The following ME1 variants were observed in gnomAD, a reference collection of about 807,000 sequenced individuals.
ME1 encodes malic enzyme 1, also known as NADP-dependent malic enzyme.
In ME1, 74 loss-of-function variants were observed where a neutral mutation model predicts 66.4. The ratio of observed to expected loss-of-function variants is 1.11; its 90% CI spans 0.92 to 1.35. The LOEUF (loss-of-function observed/expected upper bound fraction) is 1.35, where lower values mean the gene tolerates loss of function less well. Among genes scored for constraint, ME1 ranks in the 40% most tolerant of loss-of-function variants. The pLI is 0.00. For missense variants in ME1, 750 were observed against 694.1 expected (o/e 1.08, Z -0.90); for synonymous variants, 251 against 235.6 (o/e 1.07, Z -0.60).
intron 5 of ME1, among the ~76,000 whole-genome samples, chr6:83,341,169 C>T (rs902259200): frequency 1.3e-5 from 2 of 151,942 alleles, no homozygotes; most frequent in African/African-American, 2.4e-5. Context: ...TAATGGAGCC[C>T]CAATAAAACT....
chr6:83,239,471 G>C, intron 8 of ME1, 68 bp downstream of exon 8: 1 of 1,091,864 alleles, frequency 9.2e-7, no homozygotes, highest in Non-Finnish European at 1.4e-6. Context: ...CAAATCTTGA[G>C]TTAATGAGCA....
At chr6:83,424,694 G>A (rs1240705809) in intron 1 of ME1, among the ~76,000 whole-genome samples, 2 of 152,158 alleles carry the variant, frequency 1.3e-5, no homozygotes, top group African/African-American at 2.4e-5. Context: ...ATGAAATTTT[G>A]CTTCAATTAC....
chr6:83,215,405 G>A (rs915459439), intron 13 of ME1, among the ~76,000 whole-genome samples: 10 of 152,106 alleles, frequency 6.6e-5, no homozygotes, highest in Non-Finnish European at 1.0e-4. Context: ...GATGGTTATT[G>A]ACCCAAAATG....
At chr6:83,235,718 C>T (rs1471970871) in intron 9 of ME1, among the ~76,000 whole-genome samples, 9 of 151,996 alleles carry the variant, frequency 5.9e-5, no homozygotes, top group Admixed American at 3.9e-4. Flanking sequence ...GTGATCCACC[C>T]GCCTCGGCCT....
intron 6 of ME1, among the ~76,000 whole-genome samples, chr6:83,270,730 T>C (rs1300332634): frequency 6.6e-6 from 1 of 152,184 alleles, no homozygotes; most frequent in Non-Finnish European, 1.5e-5. Flanking sequence ...GCATAATATG[T>C]GGAATTTCTC....
intron 6 of ME1, among the ~76,000 whole-genome samples, chr6:83,262,928 T>C (rs1766924490): frequency 6.6e-6 from 1 of 152,242 alleles, no homozygotes; most frequent in South Asian, 2.1e-4. Context: ...CTCATTTTAT[T>C]GTGCTTTGCT....
At chr6:83,221,542 T>TA (rs923435003) in intron 12 of ME1, among the ~76,000 whole-genome samples, 7 of 152,148 alleles carry the variant, frequency 4.6e-5, no homozygotes, top group South Asian at 2.1e-4. Flanking sequence ...GGGGTATCAC[T>TA]AATAAAAATG....
At chr6:83,391,245 T>C (rs1044336085) in intron 3 of ME1, among the ~76,000 whole-genome samples, 2 of 152,100 alleles carry the variant, frequency 1.3e-5, no homozygotes, top group Admixed American at 6.6e-5. Context: ...AAAAGTTAAA[T>C]ACCTTATACC....
chr6:83,417,138 T>C (rs1221478180), intron 1 of ME1, among the ~76,000 whole-genome samples: 1 of 152,092 alleles, frequency 6.6e-6, no homozygotes, highest in Non-Finnish European at 1.5e-5. Context: ...CAGCCTCGAA[T>C]TCCTGGGCTC....
chr6:83,384,298 G>A (rs916650829), intron 3 of ME1, among the ~76,000 whole-genome samples: 4 of 151,688 alleles, frequency 2.6e-5, no homozygotes, highest in Admixed American at 6.6e-5. Context: ...AGCAGTGTAC[G>A]AGCATTTCTT....
chr6:83,316,894 T>C (rs1033240292), intron 5 of ME1, among the ~76,000 whole-genome samples: 8 of 151,854 alleles, frequency 5.3e-5, no homozygotes, highest in Middle Eastern at 3.4e-3. Context: ...CACTGGAAAC[T>C]ACAAAATATT....
chr6:83,287,422 C>A (rs964335140), intron 6 of ME1, among the ~76,000 whole-genome samples: 1 of 152,078 alleles, frequency 6.6e-6, no homozygotes, highest in African/African-American at 2.4e-5. Context: ...TCTGATCTTG[C>A]GATAGTTTGC....
intron 6 of ME1, among the ~76,000 whole-genome samples, chr6:83,282,132 T>A (rs894221892): frequency 3.9e-5 from 6 of 152,060 alleles, no homozygotes; most frequent in African/African-American, 1.2e-4. Flanking sequence ...AGAAAAAAGA[T>A]AAATGTAAAC....
At chr6:83,297,655 T>C (rs1447178236) in intron 6 of ME1, among the ~76,000 whole-genome samples, 1 of 152,110 alleles carries the variant, frequency 6.6e-6, no homozygotes, top group African/African-American at 2.4e-5. Flanking sequence ...AGGTAAACGT[T>C]TGCCATGGTG....
intron 5 of ME1, among the ~76,000 whole-genome samples, chr6:83,333,431 CAGTG>C (rs1208192959): frequency 6.6e-6 from 1 of 152,012 alleles, no homozygotes; most frequent in Non-Finnish European, 1.5e-5. Flanking sequence ...AGTAAAGCAG[CAGTG>C]AAAGAATAAA....
At chr6:83,244,545 T>C (rs983087) in intron 7 of ME1, among the ~76,000 whole-genome samples, 42,303 of 151,816 alleles carry the variant, frequency 0.28, 6,204 homozygotes, top group Middle Eastern at 0.39. Context: ...CAGAGAATAG[T>C]GGTGGGTGAT....
intron 3 of ME1, chr6:83,392,344 C>T: frequency 1.9e-6 from 1 of 519,814 alleles, no homozygotes; most frequent in Non-Finnish European, 3.8e-6. Context: ...ATGGCAAATT[C>T]CATGGCACCG....
intron 6 of ME1, among the ~76,000 whole-genome samples, chr6:83,295,316 G>GA (rs1767577888): frequency 6.6e-6 from 1 of 152,144 alleles, no homozygotes; most frequent in African/African-American, 2.4e-5. Context: ...ACAGAGATGA[G>GA]AAAAAACCAG....
intron 1 of ME1, among the ~76,000 whole-genome samples, chr6:83,414,607 A>AT (rs896381405): frequency 2.6e-5 from 4 of 151,664 alleles, no homozygotes; most frequent in African/African-American, 9.7e-5. Context: ...GTTTGCTTAA[A>AT]TTTTTTTTTA....
Sources: allele counts gnomAD v4.1 joint callset (sites outside exome capture counted in the v4.1 genomes callset), GRCh38; gene constraint gnomAD v4.1.1; transcripts MANE v1.5; gene names NCBI Gene and HGNC (gene_info 2026-07-23, HGNC 2026-07-21).